Variants in SHANK2 observed in about 807,000 individuals in gnomAD.
The protein encoded by SHANK2 is SH3 and multiple ankyrin repeat domains protein 2.
SHANK2 carries 43 observed loss-of-function variants against 133.7 expected under a neutral mutation model. The ratio of observed to expected loss-of-function variants is 0.32; its 90% confidence interval spans 0.25 to 0.41. SHANK2 has a LOEUF of 0.41. SHANK2 is among the 10% of genes least tolerant of loss of function. The pLI is 1.00. For missense variants in SHANK2, 1,994 were observed against 2,235.8 expected, an observed-to-expected ratio of 0.89 and a Z score of 2.18; for synonymous variants, 1,017 against 952.8, an observed-to-expected ratio of 1.07 and a Z score of -1.24.
At chr11:70,495,641 C>T (rs1261784491) in intron 21 of SHANK2, among the ~76,000 whole-genome samples, 1 of 152,196 alleles carries the variant, frequency 6.6e-6, no homozygotes, top group Non-Finnish European at 1.5e-5. Flanking sequence ...TACCCTGGGA[C>T]CTGCTTCCTG....
At chr11:70,884,004 G>C (rs1346880963) in intron 11 of SHANK2, among the ~76,000 whole-genome samples, 2 of 152,214 alleles carry the variant, frequency 1.3e-5, no homozygotes, top group Admixed American at 6.5e-5. Context: ...GGTAGGAACA[G>C]AGATCTGCAG....
At chr11:70,634,343 G>T (rs2061042446) in intron 17 of SHANK2, 1 of 151,938 alleles carries the variant, frequency 6.6e-6, no homozygotes, top group African/African-American at 2.4e-5. Context: ...TGGATGGCAA[G>T]AATTTCTTGG....
At chr11:70,920,449 C>A (rs4077321) in intron 10 of SHANK2, among the ~76,000 whole-genome samples, 1 of 151,958 alleles carries the variant, frequency 6.6e-6, no homozygotes, top group East Asian at 1.9e-4. Context: ...AAAGGAGAGG[C>A]GGAGGGTGGA....
In SHANK2 at chr11:70,792,294, A is replaced by G. The variant is rs1308135035; in HGVS notation, c.1777+6149T>C. 2.1e-5 allele frequency among the ~76,000 whole-genome samples: 3 copies of G among 139,970 alleles called. No homozygotes were observed. The East Asian group carries it at 6.7e-4, about 31-fold the overall frequency. The allele number at this position is 139,970 out of a possible 152,430, so 91.8% of individuals were successfully genotyped here. On this transcript the variant is annotated intron_variant, in intron 14 of 25. Transcript: ENST00000601538. ...AGCCAGCCAGCCAGCCAAGCAATCA[A>G]TCAACCAACCAACCAACCAACCAAC...
At chr11:70,714,307 C>T (rs546709343) in intron 14 of SHANK2, among the ~76,000 whole-genome samples, 4 of 152,258 alleles carry the variant, frequency 2.6e-5, no homozygotes, top group Non-Finnish European at 4.4e-5. Flanking sequence ...CACCTGGCCC[C>T]TGCAGCCTGG....
intron 17 of SHANK2, among the ~76,000 whole-genome samples, chr11:70,572,614 G>A (rs1449340471): frequency 2.6e-5 from 4 of 152,128 alleles, no homozygotes; most frequent in African/African-American, 7.2e-5. Context: ...TTCCACTTCC[G>A]GCTTCACAGA....
At chr11:70,544,703 T>C (rs568399092) in intron 17 of SHANK2, among the ~76,000 whole-genome samples, 1 of 152,308 alleles carries the variant, frequency 6.6e-6, no homozygotes, top group East Asian at 1.9e-4. Context: ...TTTCATCCGG[T>C]AGGCGACAAA....
intron 11 of SHANK2, among the ~76,000 whole-genome samples, chr11:70,838,722 C>T (rs892894197): frequency 6.6e-6 from 1 of 152,194 alleles, no homozygotes; most frequent in Non-Finnish European, 1.5e-5. Flanking sequence ...CACTGAGTCC[C>T]TGGACTCTCA....
intron 14 of SHANK2, among the ~76,000 whole-genome samples, chr11:70,771,249 C>T (rs116215038): frequency 0.013 from 1,943 of 152,262 alleles, 40 homozygotes; most frequent in African/African-American, 0.044. Flanking sequence ...CTATAAAAGA[C>T]GGCTTCTTGC....
intron 9 of SHANK2, among the ~76,000 whole-genome samples, chr11:71,064,176 A>G (rs1951018991): frequency 6.6e-6 from 1 of 152,334 alleles, no homozygotes; most frequent in African/African-American, 2.4e-5. Flanking sequence ...GTCCCTGGGG[A>G]CACAGATGCA....
At chr11:70,573,779 C>T (rs1203125673) in intron 17 of SHANK2, among the ~76,000 whole-genome samples, 4 of 152,212 alleles carry the variant, frequency 2.6e-5, no homozygotes, top group African/African-American at 9.6e-5. Context: ...CTCACTTCAG[C>T]CAACGGCCAC....
At position 71,252,202 on chromosome 11, in the gene SHANK2, G is replaced by A. The variant is rs1396999648; in HGVS notation, c.-113+223C>T. 6.6e-6 allele frequency among the ~76,000 whole-genome samples: 1 copy of A among 152,130 alleles called. No homozygotes were observed. Among genetic ancestry groups the A allele is most frequent in the Non-Finnish European group, 1.5e-5 (1 of 68,008 alleles). ...GCCCGGGAAGAAAGGCATGCAGGGGGAAGGGCTCTCTACGGAAAATCGACC... is the reference window on the plus strand; with the variant it reads ...GCCCGGGAAGAAAGGCATGCAGGGGAAAGGGCTCTCTACGGAAAATCGACC... On this transcript the variant is annotated intron_variant, in intron 1 of 25. Coordinates refer to ENST00000601538, the MANE Select transcript of SHANK2 (RefSeq NM_012309.5). The surrounding 1 kb of genome is among the most constrained non-coding windows in gnomAD (Gnocchi z 6.3).
At position 70,866,287 on chromosome 11, in the gene SHANK2, C is replaced by T. The variant is rs1477266309; in HGVS notation, c.1174+30214G>A. Among the ~76,000 whole-genome samples the T allele has an allele frequency of 4.6e-5, 7 of 151,998 alleles. No individual in the cohort carries two copies. The South Asian group carries it at 6.2e-4, about 14-fold the overall frequency. The stretch of plus-strand genomic sequence containing the variant: ...GCAGCTCAGAGGAGCCACAGCCCAT[C>T]GCACCCCGCGGCACCAAATGGGGGG... On this transcript the variant is annotated intron_variant, in intron 11 of 25. Transcript: ENST00000601538.
chr11:71,108,880 G>T (rs967192893), intron 6 of SHANK2, among the ~76,000 whole-genome samples: 9 of 152,208 alleles, frequency 5.9e-5, no homozygotes, highest in African/African-American at 1.7e-4. Flanking sequence ...AAAAGGCAAG[G>T]ACAGTCCCCC....
Position 70,942,897 on chromosome 11 carries a change from T to C in SHANK2, c.1108-46330A>G, listed in dbSNP as rs572319709. ...TTCACTTACATTTGTTACTGAGGGT[T>C]CTGGGTCTGGTGCTGGGTGCCAGGA... On this transcript the variant is annotated intron_variant, in intron 10 of 25. Transcript: ENST00000601538. The C allele has an allele frequency of 8.8e-6, 4 of 456,288 alleles. No individual in the cohort carries two copies. The East Asian group carries it at 2.8e-4, about 32-fold the overall frequency. The allele number at this position is 456,288 out of a possible 1,614,324, so 28.3% of individuals were successfully genotyped here. A position where few individuals can be genotyped will look rare whatever the true frequency, so the allele number is the denominator to read the frequency against.
intron 11 of SHANK2, among the ~76,000 whole-genome samples, chr11:70,841,348 G>A (rs1310439981): frequency 2.0e-5 from 3 of 152,230 alleles, no homozygotes; most frequent in Non-Finnish European, 4.4e-5. Flanking sequence ...CAGGCATGGA[G>A]GGCAACAGCT....
intron 15 of SHANK2, among the ~76,000 whole-genome samples, chr11:70,683,271 C>G (rs1002407286): frequency 6.6e-6 from 1 of 152,072 alleles, no homozygotes; most frequent in East Asian, 1.9e-4. Flanking sequence ...CTGGCCACTT[C>G]CTCCTTTCTT....
chr11:70,884,784 G>A (rs890931855), intron 11 of SHANK2, among the ~76,000 whole-genome samples: 14 of 152,280 alleles, frequency 9.2e-5, no homozygotes, highest in African/African-American at 2.6e-4. Context: ...GCAATGGCGC[G>A]ATTTCGGCTC....
chr11:70,685,266 C>T (rs1945119562), intron 15 of SHANK2, among the ~76,000 whole-genome samples: 1 of 152,200 alleles, frequency 6.6e-6, no homozygotes, highest in Non-Finnish European at 1.5e-5. Flanking sequence ...GCTTTTTCCA[C>T]CCTCCTCCTG....
Sources: allele counts gnomAD v4.1 joint callset (sites outside exome capture counted in the v4.1 genomes callset), GRCh38; gene constraint gnomAD v4.1.1; non-coding constraint Gnocchi (gnomAD v3.1); transcripts MANE v1.5; gene names NCBI Gene and HGNC (gene_info 2026-07-23, HGNC 2026-07-21).